G3BP2: variants seen among roughly 807,000 people sequenced by gnomAD.
G3BP2 encodes the protein G3BP stress granule assembly factor 2.
G3BP2 carries 11 observed loss-of-function variants against 56.7 expected under a neutral mutation model. That is an observed-to-expected ratio of 0.19 (90% CI 0.12 to 0.32). The LOEUF (loss-of-function observed/expected upper bound fraction) is 0.32, where lower values mean the gene tolerates loss of function less well. Among genes scored for constraint, G3BP2 ranks in the 10% least tolerant of loss-of-function variants. The pLI is 1.00. For synonymous variants in G3BP2, 165 were observed against 191.6 expected (o/e 0.86, Z 1.15); for missense variants, 340 against 610.9 (o/e 0.56, Z 4.67).
chr4:75,703,456 T>C (rs556636396), intron 3 of G3BP2, among the ~76,000 whole-genome samples: 2 of 152,130 alleles, frequency 1.3e-5, no homozygotes, highest in Non-Finnish European at 2.9e-5. Flanking sequence ...AGACCTTTAA[T>C]TGAATAAATA....
chr4:75,678,705 C>G (rs1733968785), intron 3 of G3BP2, among the ~76,000 whole-genome samples: 1 of 152,130 alleles, frequency 6.6e-6, no homozygotes, highest in African/African-American at 2.4e-5. Flanking sequence ...ATTTGAATCC[C>G]AGCTTTATCT....
At chr4:75,700,197 G>A (rs1172012551) in intron 3 of G3BP2, among the ~76,000 whole-genome samples, 1 of 151,782 alleles carries the variant, frequency 6.6e-6, no homozygotes, top group Non-Finnish European at 1.5e-5. Context: ...GGGATTACAG[G>A]CACGTGCCAC....
At chr4:75,659,043 T>C in intron 2 of G3BP2, 119 bp from the exon 3 acceptor site, 5 of 778,366 alleles carry the variant, frequency 6.4e-6, no homozygotes, top group Non-Finnish European at 1.1e-5. Flanking sequence ...TGCGTGATCT[T>C]GGACAGGTAA....
intron 3 of G3BP2, among the ~76,000 whole-genome samples, chr4:75,708,432 A>C (rs753201982): frequency 5.9e-5 from 9 of 152,122 alleles, no homozygotes; most frequent in Non-Finnish European, 1.0e-4. Context: ...ATCTTGATTG[A>C]CGTCACTCTC....
At chr4:75,704,169 C>A (rs1719453630) in intron 3 of G3BP2, among the ~76,000 whole-genome samples, 1 of 151,816 alleles carries the variant, frequency 6.6e-6, no homozygotes, top group South Asian at 2.1e-4. Context: ...CAGGCACGCG[C>A]CACCATGCCC....
intron 1 of G3BP2, among the ~76,000 whole-genome samples, chr4:75,665,784 A>G (rs1386947169): frequency 6.6e-6 from 1 of 152,236 alleles, no homozygotes; most frequent in Non-Finnish European, 1.5e-5. Context: ...CATGGAAATT[A>G]TATGTATTTT....
chr4:75,657,531 A>T lies in G3BP2; in HGVS notation c.351+26T>A, dbSNP rs770420595. The T allele has an allele frequency of 3.8e-6, 6 of 1,562,016 alleles. No individual in the cohort carries two copies. The African/African-American group carries it at 6.8e-5, about 18-fold the overall frequency. ...CAACCAACTAGCAACCATATAAATGAAAACTAAGTGAATTGAGAAACTTAC... is the reference window on the plus strand; with the variant it reads ...CAACCAACTAGCAACCATATAAATGTAAACTAAGTGAATTGAGAAACTTAC... On this transcript the variant is annotated intron_variant, in intron 4 of 11. Coordinates refer to ENST00000359707, the MANE Select transcript of G3BP2 (RefSeq NM_203505.3).
intron 3 of G3BP2, among the ~76,000 whole-genome samples, chr4:75,686,061 C>T (rs2149074506): frequency 6.6e-6 from 1 of 152,202 alleles, no homozygotes; most frequent in South Asian, 2.1e-4. Flanking sequence ...AATGGGTATT[C>T]CAGTCCATAT....
At chr4:75,715,081 T>C (rs894289241) in intron 3 of G3BP2, among the ~76,000 whole-genome samples, 11 of 152,220 alleles carry the variant, frequency 7.2e-5, no homozygotes, top group African/African-American at 2.4e-4. Context: ...AAAGAAAACA[T>C]GCTTTTCTGG....
intron 3 of G3BP2, among the ~76,000 whole-genome samples, chr4:75,701,993 G>A (rs1224208611): frequency 6.6e-6 from 1 of 152,084 alleles, no homozygotes; most frequent in Non-Finnish European, 1.5e-5. Flanking sequence ...CTCCCTGGGA[G>A]CAACCAGGGA....
intron 3 of G3BP2, among the ~76,000 whole-genome samples, chr4:75,684,128 G>C (rs987161782): frequency 6.6e-6 from 1 of 152,158 alleles, no homozygotes. Flanking sequence ...TAAATAGGCC[G>C]GGTGCGGTGG....
At chr4:75,709,278 G>A (rs1719663811) in intron 3 of G3BP2, among the ~76,000 whole-genome samples, 1 of 151,956 alleles carries the variant, frequency 6.6e-6, no homozygotes, top group Non-Finnish European at 1.5e-5. Context: ...AAATTAGCCA[G>A]GTGCGGTGGT....
intron 1 of G3BP2, among the ~76,000 whole-genome samples, chr4:75,665,643 AAACACACAAACAAACAC>A (rs758221745): frequency 0.014 from 456 of 32,114 alleles, no homozygotes; most frequent in South Asian, 0.032. Context: ...ACACACACAC[AAACACACAAACAAACAC>A]ACACACACAC....
intron 3 of G3BP2, among the ~76,000 whole-genome samples, chr4:75,685,437 G>T (rs1718551725): frequency 6.7e-6 from 1 of 148,398 alleles, no homozygotes; most frequent in African/African-American, 2.5e-5. Flanking sequence ...GGAGGTGGAG[G>T]TTGCAGTGAG....
At chr4:75,711,840 G>C (rs1719771613) in intron 3 of G3BP2, among the ~76,000 whole-genome samples, 1 of 152,122 alleles carries the variant, frequency 6.6e-6, no homozygotes, top group Non-Finnish European at 1.5e-5. Flanking sequence ...AGCCCCTTGG[G>C]TCTCTCCTCC....
chr4:75,670,026 G>T (rs1185797948), intron 1 of G3BP2, among the ~76,000 whole-genome samples: 1 of 152,212 alleles, frequency 6.6e-6, no homozygotes, highest in Non-Finnish European at 1.5e-5. Flanking sequence ...CCCGGGGGCG[G>T]AGGTTGCAGT....
intron 3 of G3BP2, among the ~76,000 whole-genome samples, chr4:75,689,174 C>T (rs1311948599): frequency 2.0e-5 from 3 of 152,116 alleles, no homozygotes; most frequent in Non-Finnish European, 2.9e-5. Flanking sequence ...ACCAGGAGTT[C>T]GAGACCACCC....
In G3BP2 at chr4:75,643,318, G is replaced by GATATATATATATATATATATATAT. The variant is rs1730996854; in HGVS notation, c.*2111_*2112insATATATATATATATATATATATAT. 1 of 87,238 alleles carries GATATATATATATATATATATATAT rather than the reference G, an allele frequency of 1.1e-5. No homozygotes were observed. Among genetic ancestry groups the GATATATATATATATATATATATAT allele is most frequent in the Admixed American group, 1.0e-4 (1 of 9,760 alleles). The allele number at this position is 87,238 out of a possible 1,614,324, so 5.4% of individuals were successfully genotyped here. A position where few individuals can be genotyped will look rare whatever the true frequency, so the allele number is the denominator to read the frequency against. ...AATTATATATATATATATATATATGGAAACAGAAATACAAGAAAATATGCT... is the reference window on the plus strand; with the variant it reads ...AATTATATATATATATATATATATGGATATATATATATATATATATATATAAACAGAAATACAAGAAAATATGCT... On this transcript the variant is annotated 3_prime_UTR_variant, in exon 12 of 12. Coordinates refer to ENST00000359707, the MANE Select transcript of G3BP2 (RefSeq NM_203505.3).
At chr4:75,707,958 GATTT>G (rs1431607387) in intron 3 of G3BP2, among the ~76,000 whole-genome samples, 2 of 152,096 alleles carry the variant, frequency 1.3e-5, no homozygotes, top group African/African-American at 4.8e-5. Context: ...CATAAAATGA[GATTT>G]ATTTCATAGT....
Sources: gnomAD v4.1 joint callset for allele counts (sites outside exome capture counted in the v4.1 genomes callset) on GRCh38, gnomAD v4.1.1 for gene constraint, MANE v1.5 for transcripts, NCBI Gene and HGNC (gene_info 2026-07-23, HGNC 2026-07-21) for gene names.